Variants in SPON1 observed in about 807,000 individuals in gnomAD.
SPON1 encodes spondin-1.
A neutral mutation model predicts 111.7 loss-of-function variants in SPON1; 52 were observed. The observed-to-expected ratio is 0.47, with a 90% confidence interval of 0.37 to 0.59. The LOEUF (loss-of-function observed/expected upper bound fraction) is 0.59. Among genes scored for constraint, SPON1 ranks in the 20% least tolerant of loss-of-function variants. SPON1 has a pLI of 0.00. For missense variants in SPON1, 957 were observed against 1,068.5 expected, an observed-to-expected ratio of 0.90 and a Z score of 1.46; for synonymous variants, 410 against 395.8, an observed-to-expected ratio of 1.04 and a Z score of -0.43.
chr11:14,132,583 G>C (rs10766140), intron 5 of SPON1, among the ~76,000 whole-genome samples: 59,873 of 151,972 alleles, frequency 0.39, 12,027 homozygotes, highest in East Asian at 0.51. Context: ...CCTGCCCCCA[G>C]ACTGTGAGTC....
intron 5 of SPON1, among the ~76,000 whole-genome samples, chr11:14,119,891 TG>T (rs1164858655): frequency 6.6e-6 from 1 of 152,210 alleles, no homozygotes; most frequent in Non-Finnish European, 1.5e-5. Flanking sequence ...ACACTTAAAT[TG>T]ATTAGTTTAT....
At position 14,000,004 on chromosome 11, in the gene SPON1, C is replaced by A. The variant is rs568758109; in HGVS notation, c.345+17051C>A. On this transcript the variant is annotated intron_variant, in intron 2 of 15. Transcript: ENST00000576479. Reference sequence around the variant, plus strand: ...TGCAAATCCTGTTCTCATAAAATTACCTCTTTGGAATAAAGTTCAATACCT... The same window carrying A: ...TGCAAATCCTGTTCTCATAAAATTAACTCTTTGGAATAAAGTTCAATACCT... Among the ~76,000 whole-genome samples the A allele has an allele frequency of 2.6e-5, 4 of 152,256 alleles. No homozygotes were observed. In the South Asian group the frequency reaches 8.3e-4, roughly 32 times the overall value.
At chr11:14,224,029 A>G (rs1440299791) in intron 6 of SPON1, among the ~76,000 whole-genome samples, 2 of 152,208 alleles carry the variant, frequency 1.3e-5, no homozygotes, top group Admixed American at 1.3e-4. Flanking sequence ...TTATAAGCAA[A>G]TCAAATTTTG....
chr11:14,128,004 A>T (rs1554927179), intron 5 of SPON1, among the ~76,000 whole-genome samples: 1 of 152,212 alleles, frequency 6.6e-6, no homozygotes, highest in Non-Finnish European at 1.5e-5. Context: ...CCATGATCCA[A>T]TCACCTCTCA....
In SPON1 at chr11:14,267,383, G is replaced by T. The variant is rs1591433693; in HGVS notation, c.*1696G>T. The T allele has an allele frequency of 6.6e-6, 1 of 151,966 alleles. No homozygotes were observed. The highest frequency in any genetic ancestry group is 2.4e-5 in the African/African-American group (1 of 41,348). The allele number at this position is 151,966 out of a possible 1,614,324, so 9.4% of individuals were successfully genotyped here. A position where few individuals can be genotyped will look rare whatever the true frequency, so the allele number is the denominator to read the frequency against. ...CATGTTTTAAATCCTTAAATGAATT[G>T]CTTTCTCCCAAAAAAAGCACAATAT... On this transcript the variant is annotated 3_prime_UTR_variant, in exon 16 of 16. Transcript: ENST00000576479.
intron 3 of SPON1, among the ~76,000 whole-genome samples, chr11:14,054,365 G>T (rs1289219074): frequency 6.6e-6 from 1 of 152,162 alleles, no homozygotes; most frequent in Non-Finnish European, 1.5e-5. Flanking sequence ...TGTTTAATTT[G>T]ACTTTAGCGC....
chr11:14,235,678 CAAAAAAAAAAAAAAAAAAAA>C (rs56925967), intron 6 of SPON1, among the ~76,000 whole-genome samples: 1 of 71,384 alleles, frequency 1.4e-5, no homozygotes, highest in East Asian at 4.7e-4. Flanking sequence ...GACCCTGCCT[CAAAAAAAAAAAAAAAAAAAA>C]AAAAAAAAAG....
chr11:14,247,443 CATG>C (rs1200379024), intron 7 of SPON1, among the ~76,000 whole-genome samples: 55 of 152,094 alleles, frequency 3.6e-4, no homozygotes, highest in Admixed American at 3.5e-3. Flanking sequence ...AAAAGGGTGA[CATG>C]ATCATATTTG....
rs1179964482 is a variant in SPON1 at position 14,265,758 on chromosome 11, T to C, written c.*71T>C. The C allele has an allele frequency of 2.0e-6, 3 of 1,516,610 alleles. No individual in the cohort carries two copies. Among genetic ancestry groups the C allele is most frequent in the Non-Finnish European group, 2.7e-6 (3 of 1,119,468 alleles). 93.9% of individuals were successfully genotyped at this position (1,516,610 alleles called of 1,614,324 possible). ...CCAATGGCTGGATTATTTGCTTGTT[T>C]AAGACAATTTAAATTGTGTACGCTA... On this transcript the variant is annotated 3_prime_UTR_variant, in exon 16 of 16. Coordinates refer to ENST00000576479, the MANE Select transcript of SPON1 (RefSeq NM_006108.4).
intron 5 of SPON1, among the ~76,000 whole-genome samples, chr11:14,092,213 T>C (rs7116296): frequency 0.47 from 71,014 of 152,130 alleles, 17,099 homozygotes; most frequent in South Asian, 0.66. Flanking sequence ...GTGAAAAATA[T>C]ATCAGCGACT....
At chr11:14,056,387 A>G (rs996019483) in intron 3 of SPON1, among the ~76,000 whole-genome samples, 1 of 152,212 alleles carries the variant, frequency 6.6e-6, no homozygotes, top group African/African-American at 2.4e-5. Flanking sequence ...CAAGAAGTGA[A>G]TTTCAGTTTC....
chr11:14,206,546 C>G (rs1404417784), intron 6 of SPON1, among the ~76,000 whole-genome samples: 1 of 152,002 alleles, frequency 6.6e-6, no homozygotes, highest in Admixed American at 6.6e-5. Context: ...TTTTTTTGCT[C>G]TTAGAAGTAA....
intron 3 of SPON1, among the ~76,000 whole-genome samples, chr11:14,056,010 C>G (rs1264113945): frequency 1.3e-5 from 2 of 152,188 alleles, no homozygotes; most frequent in East Asian, 3.8e-4. Context: ...AGACCTAACT[C>G]CCCTCCACAC....
Position 14,265,870 on chromosome 11 carries a change from G to C in SPON1, c.*183G>C. On this transcript the variant is annotated 3_prime_UTR_variant, in exon 16 of 16. Transcript: ENST00000576479. Reference sequence around the variant, plus strand: ...GAATACTTCTTGATGGGTACAGGCTGAGTGGGGCGCCCTCACCTCCAGCCA... The same window carrying C: ...GAATACTTCTTGATGGGTACAGGCTCAGTGGGGCGCCCTCACCTCCAGCCA... The C allele has an allele frequency of 1.5e-6, 1 of 655,182 alleles. No individual in the cohort carries two copies. 40.6% of individuals were successfully genotyped at this position (655,182 alleles called of 1,614,324 possible). A position where few individuals can be genotyped will look rare whatever the true frequency, so the allele number is the denominator to read the frequency against.
chr11:14,126,289 A>G (rs1847458439), intron 5 of SPON1, among the ~76,000 whole-genome samples: 1 of 152,232 alleles, frequency 6.6e-6, no homozygotes, highest in African/African-American at 2.4e-5. Context: ...CAGAGAATCT[A>G]TCTACCATGC....
intron 2 of SPON1, among the ~76,000 whole-genome samples, chr11:14,033,489 G>C (rs1392555377): frequency 1.3e-5 from 2 of 152,126 alleles, no homozygotes; most frequent in African/African-American, 4.8e-5. Context: ...CAGAGTTGAG[G>C]AGGGGAGTCA....
chr11:14,240,874 T>G (rs1208420989), intron 6 of SPON1, among the ~76,000 whole-genome samples: 1 of 152,204 alleles, frequency 6.6e-6, no homozygotes, highest in Admixed American at 6.5e-5. Context: ...TTGACCTGGC[T>G]TGCCATAATT....
At chr11:14,093,229 A>G (rs1318143205) in intron 5 of SPON1, among the ~76,000 whole-genome samples, 2 of 152,388 alleles carry the variant, frequency 1.3e-5, no homozygotes, top group Middle Eastern at 3.4e-3. Context: ...GCTTCCAGCT[A>G]TGGCTCAGAA....
In SPON1 at chr11:14,075,410, G is replaced by A. The variant is rs1554921328; in HGVS notation, c.545G>A (p.Cys182Tyr). 1 of 1,556,876 alleles carries A rather than the reference G, an allele frequency of 6.4e-7. No homozygotes were observed. ...GAGGGCTCTCTGACCAAGAAACTTT[G>A]TGAACAAGGTAAGACCCTGTGGGTG... is the stretch of plus-strand genomic sequence containing the variant. ...QDEGSLTKKL[C>Y]EQDSTFDGVT... The change falls in exon 4 of 16, where the codon TGT becomes TAT. Residue 182 changes from cysteine to tyrosine, a missense_variant. Cys to Tyr is a radical substitution (Grantham distance 194). Coordinates refer to ENST00000576479, the MANE Select transcript of SPON1 (RefSeq NM_006108.4).
Sources: gnomAD v4.1 joint callset for allele counts (sites outside exome capture counted in the v4.1 genomes callset) on GRCh38, gnomAD v4.1.1 for gene constraint, MANE v1.5 for transcripts, NCBI Gene and HGNC (gene_info 2026-07-23, HGNC 2026-07-21) for gene names.